Variants in RPS6KC1 observed in about 807,000 individuals in gnomAD.
RPS6KC1 encodes ribosomal protein S6 kinase C1, also known as inactive ribosomal protein S6 kinase delta-1.
In RPS6KC1, 54 loss-of-function variants were observed where a neutral mutation model predicts 103.8. The observed-to-expected ratio is 0.52, with a 90% CI of 0.42 to 0.65. The LOEUF is 0.65. RPS6KC1 is among the 30% of genes least tolerant of loss of function. The pLI is 0.00. For synonymous variants in RPS6KC1, 439 were observed against 438.7 expected (o/e 1.00, Z -0.01); for missense variants, 1,151 against 1,253.8 (o/e 0.92, Z 1.24).
At chr1:213,356,054 A>G in the RPS6KC1 span, among the ~76,000 whole-genome samples, 1 of 152,220 alleles carries the variant, frequency 6.6e-6, no homozygotes, top group African/African-American at 2.4e-5. Context: ...CAGTCTGGTT[A>G]TGTGCTGGAC....
At chr1:213,325,158 G>A in the RPS6KC1 span, among the ~76,000 whole-genome samples, 1 of 152,120 alleles carries the variant, frequency 6.6e-6, no homozygotes, top group African/African-American at 2.4e-5. Flanking sequence ...GGGAAGAGCG[G>A]TGGGCATTAT....
the RPS6KC1 span, among the ~76,000 whole-genome samples, chr1:213,332,648 T>TGGCTGTGGC: frequency 1.3e-5 from 2 of 152,152 alleles, no homozygotes; most frequent in Non-Finnish European, 2.9e-5. Flanking sequence ...TCCTCTGTGG[T>TGGCTGTGGC]GGCTGTGGCA....
chr1:213,117,743 C>T (rs2083829886), intron 5 of RPS6KC1, among the ~76,000 whole-genome samples: 1 of 151,602 alleles, frequency 6.6e-6, no homozygotes, highest in East Asian at 1.9e-4. Flanking sequence ...CCTTACTTGG[C>T]CAGGCATGGT....
At chr1:213,527,817 T>A in the RPS6KC1 span, among the ~76,000 whole-genome samples, 1 of 152,162 alleles carries the variant, frequency 6.6e-6, no homozygotes, top group African/African-American at 2.4e-5. Flanking sequence ...TAGCCTACTA[T>A]TGACTAGAAA....
At chr1:213,534,689 A>C in the RPS6KC1 span, among the ~76,000 whole-genome samples, 4 of 152,242 alleles carry the variant, frequency 2.6e-5, no homozygotes, top group Admixed American at 6.5e-5. Flanking sequence ...AAAACAAAAA[A>C]GAGCATTAAG....
chr1:213,855,485 C>T, the RPS6KC1 span, among the ~76,000 whole-genome samples: 1 of 152,178 alleles, frequency 6.6e-6, no homozygotes, highest in South Asian at 2.1e-4. Flanking sequence ...GCCGACAATG[C>T]ACTCTTCCCT....
chr1:213,113,975 G>C (rs1428067025), intron 4 of RPS6KC1, among the ~76,000 whole-genome samples: 2 of 152,140 alleles, frequency 1.3e-5, no homozygotes, highest in Non-Finnish European at 2.9e-5. Context: ...TTGTAGTATA[G>C]TTTGAAGTCA....
the RPS6KC1 span, among the ~76,000 whole-genome samples, chr1:213,404,067 C>CG: frequency 6.6e-6 from 1 of 152,076 alleles, no homozygotes; most frequent in Middle Eastern, 3.2e-3. Context: ...TGGATAGTCG[C>CG]GGGGGCTGGG....
At chr1:213,059,516 T>TTA (rs141404693) in intron 1 of RPS6KC1, among the ~76,000 whole-genome samples, 10 of 151,618 alleles carry the variant, frequency 6.6e-5, no homozygotes, top group African/African-American at 1.2e-4. Context: ...TTTTATTTAT[T>TTA]TATATATATA....
chr1:213,232,487 C>T (rs1211990286), intron 10 of RPS6KC1, among the ~76,000 whole-genome samples: 2 of 152,180 alleles, frequency 1.3e-5, no homozygotes, highest in African/African-American at 4.8e-5. Context: ...TCACTACTTA[C>T]TTTCTCATGG....
the RPS6KC1 span, among the ~76,000 whole-genome samples, chr1:213,636,287 C>G: frequency 6.6e-6 from 1 of 152,060 alleles, no homozygotes; most frequent in Non-Finnish European, 1.5e-5. Flanking sequence ...TCATATGGAA[C>G]CAAAAAAGAG....
chr1:213,323,128 G>C, the RPS6KC1 span, among the ~76,000 whole-genome samples: 1 of 151,648 alleles, frequency 6.6e-6, no homozygotes, highest in Non-Finnish European at 1.5e-5. Context: ...TCTGAGTTCT[G>C]CTTCTGTCAT....
At chr1:213,284,796 T>C in the RPS6KC1 span, among the ~76,000 whole-genome samples, 1 of 152,004 alleles carries the variant, frequency 6.6e-6, no homozygotes, top group Non-Finnish European at 1.5e-5. Context: ...GTATGACTAA[T>C]ACCAAAAAAA....
At chr1:213,438,291 C>T in the RPS6KC1 span, among the ~76,000 whole-genome samples, 6,733 of 152,128 alleles carry the variant, frequency 0.044, 166 homozygotes, top group African/African-American at 0.06. Context: ...GTTTTTTCTC[C>T]GTAGTCTCAG....
the RPS6KC1 span, among the ~76,000 whole-genome samples, chr1:213,331,406 G>C: frequency 1.3e-5 from 2 of 152,222 alleles, no homozygotes; most frequent in African/African-American, 4.8e-5. Context: ...AGTATGGTAA[G>C]AGTATTGGAT....
the RPS6KC1 span, among the ~76,000 whole-genome samples, chr1:213,545,415 T>A: frequency 3.8e-4 from 34 of 89,992 alleles, no homozygotes; most frequent in Middle Eastern, 0.011. Context: ...AATAAATAAA[T>A]AAAATAAAAT....
At chr1:213,089,882 T>A (rs2080810581) in intron 3 of RPS6KC1, among the ~76,000 whole-genome samples, 1 of 152,258 alleles carries the variant, frequency 6.6e-6, no homozygotes, top group Non-Finnish European at 1.5e-5. Flanking sequence ...TCCTACGTGC[T>A]GAAGATACAT....
At chr1:213,485,726 T>C in the RPS6KC1 span, among the ~76,000 whole-genome samples, 1 of 152,150 alleles carries the variant, frequency 6.6e-6, no homozygotes, top group Non-Finnish European at 1.5e-5. Context: ...CATGGGGTGC[T>C]ATCAGAGTCT....
At chr1:213,501,098 T>C in the RPS6KC1 span, among the ~76,000 whole-genome samples, 1 of 79,794 alleles carries the variant, frequency 1.3e-5, no homozygotes, top group East Asian at 6.3e-3. Context: ...GGGATTATAT[T>C]TGAAACAAAA....
Sources: gnomAD v4.1 joint callset for allele counts (sites outside exome capture counted in the v4.1 genomes callset) on GRCh38, gnomAD v4.1.1 for gene constraint, MANE v1.5 for transcripts, NCBI Gene and HGNC (gene_info 2026-07-23, HGNC 2026-07-21) for gene names.